Variants in SCAI observed in about 807,000 individuals in gnomAD.
SCAI encodes protein SCAI.
A neutral mutation model predicts 92.2 loss-of-function variants in SCAI; 24 were observed. That is an observed-to-expected ratio of 0.26 (90% CI 0.19 to 0.37). SCAI has a LOEUF of 0.37. Ranked by LOEUF, SCAI falls within the 10% of genes least tolerant of loss-of-function variation. The pLI is 1.00. For synonymous variants in SCAI, 261 were observed against 258.6 expected, an observed-to-expected ratio of 1.01 and a Z score of -0.09; for missense variants, 450 against 736.2, an observed-to-expected ratio of 0.61 and a Z score of 4.50.
Position 124,962,224 on chromosome 9 carries a change from A to G in SCAI, c.1674+9146T>C, listed in dbSNP as rs371211915. 7.9e-5 allele frequency among the ~76,000 whole-genome samples: 10 copies of G among 126,718 alleles called. No individual in the cohort carries two copies. In the South Asian group the frequency reaches 2.5e-3, roughly 31 times the overall value. 83.1% of individuals were successfully genotyped at this position (126,718 alleles called of 152,430 possible). ...GCCCAGGCTGGAGTGCAGTGGTGTG[A>G]TCTCAGCTCACTGCAACCTCCACCT... On this transcript the variant is annotated intron_variant, in intron 17 of 17. Coordinates refer to ENST00000336505, the MANE Select transcript of SCAI (RefSeq NM_001144877.3).
At chr9:125,002,559 C>G (rs1001093164) in intron 11 of SCAI, among the ~76,000 whole-genome samples, 1 of 148,466 alleles carries the variant, frequency 6.7e-6, no homozygotes. Context: ...CTCGGCTCAC[C>G]GCAGCCTCCG....
At chr9:125,024,966 T>C (rs980712718) in intron 6 of SCAI, among the ~76,000 whole-genome samples, 1 of 152,210 alleles carries the variant, frequency 6.6e-6, no homozygotes, top group Non-Finnish European at 1.5e-5. Flanking sequence ...CTCGACATAA[T>C]CCTTAGCTGT....
chr9:125,071,605 C>T (rs1443623031), intron 2 of SCAI, among the ~76,000 whole-genome samples: 2 of 152,090 alleles, frequency 1.3e-5, no homozygotes, highest in Admixed American at 1.3e-4. Flanking sequence ...ACTATAAAGA[C>T]ATCATTTTGC....
chr9:124,967,976 C>T (rs1160528747), intron 17 of SCAI, among the ~76,000 whole-genome samples: 2 of 152,160 alleles, frequency 1.3e-5, no homozygotes, highest in Non-Finnish European at 2.9e-5. Flanking sequence ...TTCATTTCTC[C>T]TGCTGGAATT....
chr9:125,038,632 G>C (rs1456666469), intron 3 of SCAI, among the ~76,000 whole-genome samples: 1 of 152,018 alleles, frequency 6.6e-6, no homozygotes, highest in East Asian at 1.9e-4. Context: ...CAAAAATATT[G>C]GTAATTATTC....
rs1831124789 is a variant in SCAI at position 124,945,105 on chromosome 9, T to C, written c.*7702A>G. On this transcript the variant is annotated 3_prime_UTR_variant, in exon 18 of 18. Transcript: ENST00000336505. ...TGGAATTGTCCACCAAAATAGGAAA[T>C]TGATACCCAATTTATAGTCTATGAT... is the stretch of plus-strand genomic sequence containing the variant. The C allele has an allele frequency of 6.6e-6, 1 of 152,262 alleles. No homozygotes were observed. Among genetic ancestry groups the C allele is most frequent in the African/African-American group, 2.4e-5 (1 of 41,550 alleles). 9.4% of individuals were successfully genotyped at this position (152,262 alleles called of 1,614,324 possible).
At chr9:125,102,419 C>A (rs1834696250) in intron 2 of SCAI, among the ~76,000 whole-genome samples, 1 of 152,104 alleles carries the variant, frequency 6.6e-6, no homozygotes. Context: ...TACCCTCCCT[C>A]AGTCCTCCTC....
intron 2 of SCAI, 104 bp from the exon 3 acceptor site, chr9:125,056,111 A>G (rs545821228): frequency 6.7e-5 from 53 of 794,588 alleles, no homozygotes; most frequent in Non-Finnish European, 8.7e-5. Context: ...ACAGATATAG[A>G]ATTCTTCTGA....
rs1452412470 is a variant in SCAI, at chr9:124,948,986, C to T, written c.*3821G>A. 3 of 152,208 alleles carry T rather than the reference C, an allele frequency of 2.0e-5. No homozygotes were observed. Among genetic ancestry groups the T allele is most frequent in the Non-Finnish European group, 4.4e-5 (3 of 68,032 alleles). 9.4% of individuals were successfully genotyped at this position (152,208 alleles called of 1,614,324 possible). A position where few individuals can be genotyped will look rare whatever the true frequency, so the allele number is the denominator to read the frequency against. ...CTATCATCAGCTCAAGCCCATTGGG[C>T]AACTGTCCTTTTAGATAATTCTTCT... On this transcript the variant is annotated 3_prime_UTR_variant, in exon 18 of 18. Transcript: ENST00000336505.
At chr9:125,084,125 ATT>A (rs1028747790) in intron 2 of SCAI, among the ~76,000 whole-genome samples, 4 of 144,938 alleles carry the variant, frequency 2.8e-5, no homozygotes, top group African/African-American at 1.0e-4. Context: ...CCCCTCACAA[ATT>A]AGTTAATATG....
chr9:124,990,534 T>G (rs1394322158), intron 14 of SCAI, among the ~76,000 whole-genome samples: 2 of 151,812 alleles, frequency 1.3e-5, no homozygotes, highest in Non-Finnish European at 2.9e-5. Flanking sequence ...TTATCTATGG[T>G]GTGGATAAAA....
intron 9 of SCAI, among the ~76,000 whole-genome samples, chr9:125,013,573 G>A (rs1206419988): frequency 3.3e-5 from 5 of 152,134 alleles, no homozygotes; most frequent in Non-Finnish European, 4.4e-5. Context: ...AGGACCAGAC[G>A]GATTCACAGC....
rs1831199489 is a variant in SCAI, at chr9:124,949,344, ACT to A, written c.*3461_*3462del. The A allele has an allele frequency of 6.6e-6, 1 of 152,234 alleles. No individual in the cohort carries two copies. The highest frequency in any genetic ancestry group is 1.5e-5 in the Non-Finnish European group (1 of 68,062). 9.4% of individuals were successfully genotyped at this position (152,234 alleles called of 1,614,324 possible). A position where few individuals can be genotyped will look rare whatever the true frequency, so the allele number is the denominator to read the frequency against. ...CTGCAGCCTGAGTAACAAGAGTGAA[ACT>A]CCGTCTCAAAAACAAAAAACAAAAA... is the stretch of plus-strand genomic sequence containing the variant. On this transcript the variant is annotated 3_prime_UTR_variant, in exon 18 of 18. Coordinates refer to ENST00000336505, the MANE Select transcript of SCAI (RefSeq NM_001144877.3). The surrounding 1 kb of genome is among the most constrained non-coding windows in gnomAD (Gnocchi z 4.0).
At chr9:125,073,534 A>G (rs1166604074) in intron 2 of SCAI, among the ~76,000 whole-genome samples, 4 of 152,334 alleles carry the variant, frequency 2.6e-5, no homozygotes, top group Non-Finnish European at 5.9e-5. Context: ...TCTATTTATT[A>G]CTATTATACC....
chr9:125,035,011 T>A (rs1433224625), intron 3 of SCAI, among the ~76,000 whole-genome samples: 1 of 152,134 alleles, frequency 6.6e-6, no homozygotes, highest in East Asian at 1.9e-4. Flanking sequence ...ACAGTTTATG[T>A]TCTGTGAAAT....
intron 17 of SCAI, among the ~76,000 whole-genome samples, chr9:124,960,502 GC>G: frequency 6.6e-6 from 1 of 152,340 alleles, no homozygotes; most frequent in East Asian, 1.9e-4. Context: ...AAAGGAATGA[GC>G]TACTGATATC....
At position 124,947,742 on chromosome 9, in the gene SCAI, A is replaced by T. The variant is rs1485943875; in HGVS notation, c.*5065T>A. The T allele has an allele frequency of 6.6e-6, 1 of 152,234 alleles. No individual in the cohort carries two copies. The highest frequency in any genetic ancestry group is 1.9e-4 in the East Asian group (1 of 5,204). 9.4% of individuals were successfully genotyped at this position (152,234 alleles called of 1,614,324 possible). ...ATAAGAATTTCAAATAAATAAGGTC[A>T]ACAAAAGAGCCCTCAAGGTAAATAC... On this transcript the variant is annotated 3_prime_UTR_variant, in exon 18 of 18. Coordinates refer to ENST00000336505, the MANE Select transcript of SCAI (RefSeq NM_001144877.3).
At chr9:125,095,156 C>A (rs543885579) in intron 2 of SCAI, among the ~76,000 whole-genome samples, 1 of 152,108 alleles carries the variant, frequency 6.6e-6, no homozygotes, top group South Asian at 2.1e-4. Flanking sequence ...CAGTAACCAA[C>A]GGAGACAAAG....
At chr9:125,056,209 T>C (rs1027424830) in intron 2 of SCAI, among the ~76,000 whole-genome samples, 1 of 152,230 alleles carries the variant, frequency 6.6e-6, no homozygotes, top group Admixed American at 6.5e-5. Flanking sequence ...CTTACACCTG[T>C]AATCCCAGCA....
Sources: allele counts gnomAD v4.1 joint callset (sites outside exome capture counted in the v4.1 genomes callset), GRCh38; gene constraint gnomAD v4.1.1; non-coding constraint Gnocchi (gnomAD v3.1); transcripts MANE v1.5; gene names NCBI Gene and HGNC (gene_info 2026-07-23, HGNC 2026-07-21).